NLRP5: variants seen among roughly 807,000 people sequenced by gnomAD.
NLRP5 encodes NLR family pyrin domain containing 5.
A neutral mutation model predicts 113.1 loss-of-function variants in NLRP5; 93 were observed. That is an observed-to-expected ratio of 0.82 (90% CI 0.70 to 0.98). The LOEUF (loss-of-function observed/expected upper bound fraction) is 0.98, where lower values mean the gene tolerates loss of function less well. Among genes scored for constraint, NLRP5 ranks in the 50% least tolerant of loss-of-function variants. The probability of loss-of-function intolerance (pLI) is 0.00; values close to 1 mark genes in which losing one functional copy is unlikely to be tolerated. For synonymous variants in NLRP5, 751 were observed against 600.7 expected (o/e 1.25, Z -3.66); for missense variants, 1,808 against 1,514.3 (o/e 1.19, Z -3.22).
At chr19:56,019,575 G>A (rs1403936823) in intron 5 of NLRP5, among the ~76,000 whole-genome samples, 177 bp downstream of exon 5, 2 of 151,258 alleles carry the variant, frequency 1.3e-5, no homozygotes, top group East Asian at 3.8e-4. Context: ...ATAGAGCTAC[G>A]CAAGTTCACT....
At chr19:56,053,833 C>CG in intron 13 of NLRP5, 25 bp downstream of exon 13, 1 of 1,606,752 alleles carries the variant, frequency 6.2e-7, no homozygotes, top group Non-Finnish European at 8.5e-7. Context: ...CGCCTCTTTG[C>CG]GGGCCGGGCT....
chr19:56,007,709 C>T (rs887995755), intron 2 of NLRP5, among the ~76,000 whole-genome samples: 1 of 150,422 alleles, frequency 6.6e-6, no homozygotes, highest in Admixed American at 6.6e-5. Flanking sequence ...AGCACTGTTG[C>T]AAAAGTGTTG....
chr19:55,999,309 G>C (rs1981524827), upstream of NLRP5, among the ~76,000 whole-genome samples: 1 of 145,986 alleles, frequency 6.8e-6, no homozygotes, highest in South Asian at 2.1e-4. Context: ...CTGCCTCCCA[G>C]GTTCAAGTGA....
Position 56,027,893 on chromosome 19 carries a change from C to T in NLRP5, c.1660C>T (p.Gln554Ter), listed in dbSNP as rs1450158757. The T allele has an allele frequency of 6.2e-7, 1 of 1,613,828 alleles. No individual in the cohort carries two copies. The highest frequency in any genetic ancestry group is 2.2e-5 in the East Asian group (1 of 44,872). The stretch of plus-strand genomic sequence containing the variant: ...GTTTGACGGTGACGACCTCATGGTT[C>T]AAGGACTCGGGGAGTCTGAGCTCCG... Residue 554 changes from glutamine to a stop codon, truncating the protein, a stop_gained, in exon 7 of 15, where the codon CAA becomes TAA. Transcript: ENST00000390649. LOFTEE classifies it high-confidence loss of function.
At chr19:56,005,642 A>AGTG (rs1981877524) in intron 2 of NLRP5, among the ~76,000 whole-genome samples, 4 of 142,122 alleles carry the variant, frequency 2.8e-5, no homozygotes, top group Non-Finnish European at 4.6e-5. Flanking sequence ...ACACACACAC[A>AGTG]CGCGCGCAGG....
intron 1 of NLRP5, among the ~76,000 whole-genome samples, chr19:56,003,108 A>C (rs142089534): frequency 0.025 from 3,824 of 151,510 alleles, 155 homozygotes; most frequent in African/African-American, 0.087. Flanking sequence ...ATTACTGGGT[A>C]TATACCCTAA....
intron 13 of NLRP5, 125 bp downstream of exon 13, chr19:56,053,933 C>A (rs1287931046): frequency 1.6e-5 from 13 of 801,218 alleles, no homozygotes; most frequent in South Asian, 1.2e-4. Context: ...AGATGGAGTG[C>A]AACCTTCGCA....
At chr19:56,014,321 T>C (rs1443853395) in intron 3 of NLRP5, among the ~76,000 whole-genome samples, 3 of 151,838 alleles carry the variant, frequency 2.0e-5, no homozygotes, top group African/African-American at 4.8e-5. Flanking sequence ...TCTACTAAAA[T>C]ACAAAAAAAT....
chr19:56,039,678 G>A (rs753559103), intron 10 of NLRP5, among the ~76,000 whole-genome samples: 6 of 152,158 alleles, frequency 3.9e-5, no homozygotes, highest in African/African-American at 7.2e-5. Context: ...TTGGGAGGCC[G>A]AGGCGGGCGG....
intron 7 of NLRP5, 83 bp from the exon 8 acceptor site, chr19:56,032,528 G>C (rs186250981): frequency 7.6e-7 from 1 of 1,310,118 alleles, no homozygotes; most frequent in Admixed American, 2.2e-5. Flanking sequence ...CGAGAGCTCG[G>C]TCCCTCTCCT....
upstream of NLRP5, among the ~76,000 whole-genome samples, chr19:55,996,620 AATG>A (rs982632676): frequency 1.3e-4 from 20 of 152,136 alleles, no homozygotes; most frequent in African/African-American, 3.6e-4. Flanking sequence ...GTTTGCTCAG[AATG>A]ATGATTTCCA....
At chr19:56,026,663 C>G (rs1780205946) in intron 6 of NLRP5, among the ~76,000 whole-genome samples, 1 of 151,354 alleles carries the variant, frequency 6.6e-6, no homozygotes, top group African/African-American at 2.4e-5. Flanking sequence ...ACTGCAACTT[C>G]CATCTCCCGG....
At chr19:56,048,031 G>C (rs1983791971) in intron 11 of NLRP5, among the ~76,000 whole-genome samples, 1 of 152,180 alleles carries the variant, frequency 6.6e-6, no homozygotes. Flanking sequence ...TCTGATCTAA[G>C]AATAGTTACC....
At chr19:56,024,606 A>C (rs1188023180) in intron 6 of NLRP5, among the ~76,000 whole-genome samples, 3 of 136,032 alleles carry the variant, frequency 2.2e-5, no homozygotes, top group Non-Finnish European at 4.8e-5. Context: ...CACACACATG[A>C]AATTAGCTGA....
In NLRP5 at chr19:56,053,828, C is replaced by T; in HGVS notation, c.3299+20C>T. The T allele has an allele frequency of 6.2e-7, 1 of 1,609,044 alleles. No individual in the cohort carries two copies. ...ACTCGGGTAACTTCCTGGGGCGCCT[C>T]TTTGCGGGCCGGGCTGGGAGGAGGT... is the stretch of plus-strand genomic sequence containing the variant. On this transcript the variant is annotated intron_variant, in intron 13 of 14. Coordinates refer to ENST00000390649, the MANE Select transcript of NLRP5 (RefSeq NM_153447.4).
chr19:56,059,719 G>A (rs1984285046), intron 14 of NLRP5, among the ~76,000 whole-genome samples: 1 of 152,054 alleles, frequency 6.6e-6, no homozygotes, highest in South Asian at 2.1e-4. Context: ...ATTTTTAGTA[G>A]AGAAGAGTTT....
chr19:56,031,569 T>G lies in NLRP5; in HGVS notation c.2277-1042T>G, dbSNP rs530406407. 2.0e-5 allele frequency among the ~76,000 whole-genome samples: 3 copies of G among 148,676 alleles called. No homozygotes were observed. In the Admixed American group the frequency reaches 2.0e-4, roughly 10 times the overall value. Reference sequence around the variant, plus strand: ...TCACTCGAATTTGGGAGGCAGAGGTTGCAGTGAGCCAAGATCATGCCACTG... The same window carrying G: ...TCACTCGAATTTGGGAGGCAGAGGTGGCAGTGAGCCAAGATCATGCCACTG... On this transcript the variant is annotated intron_variant, in intron 7 of 14. Coordinates refer to ENST00000390649, the MANE Select transcript of NLRP5 (RefSeq NM_153447.4).
chr19:56,016,171 G>C (rs1339395050), intron 4 of NLRP5, among the ~76,000 whole-genome samples: 1 of 151,956 alleles, frequency 6.6e-6, no homozygotes, highest in Non-Finnish European at 1.5e-5. Context: ...TATTTATTTT[G>C]AGATGGAGTT....
intron 1 of NLRP5, among the ~76,000 whole-genome samples, chr19:56,001,870 G>C (rs548623881): frequency 4.6e-5 from 7 of 152,202 alleles, no homozygotes; most frequent in Admixed American, 3.9e-4. Context: ...GTATTCCTTC[G>C]ATTGCTTTGT....
Sources: gnomAD v4.1 joint callset for allele counts (sites outside exome capture counted in the v4.1 genomes callset) on GRCh38, gnomAD v4.1.1 for gene constraint, MANE v1.5 for transcripts, NCBI Gene and HGNC (gene_info 2026-07-23, HGNC 2026-07-21) for gene names.